The following RCOR1 variants were observed in gnomAD, a reference collection of about 807,000 sequenced individuals.
RCOR1 encodes the protein REST corepressor.
A neutral mutation model predicts 64.0 loss-of-function variants in RCOR1; 12 were observed. The ratio of observed to expected loss-of-function variants is 0.19; its 90% CI spans 0.12 to 0.30. The LOEUF is 0.30. RCOR1 is among the 10% of genes least tolerant of loss of function. The pLI, the probability that RCOR1 is intolerant of heterozygous loss-of-function variation, is 1.00. For missense variants in RCOR1, 502 were observed against 621.2 expected (o/e 0.81, Z 2.04); for synonymous variants, 279 against 227.2 (o/e 1.23, Z -2.05).
chr14:102,705,445 TTTTG>T (rs1343295815), intron 4 of RCOR1, among the ~76,000 whole-genome samples: 2 of 152,156 alleles, frequency 1.3e-5, no homozygotes, highest in Non-Finnish European at 2.9e-5. Flanking sequence ...GCTTGTGTCT[TTTTG>T]TTTGTTTTGT....
intron 2 of RCOR1, among the ~76,000 whole-genome samples, chr14:102,609,481 C>A (rs891248177): frequency 6.6e-6 from 1 of 152,104 alleles, no homozygotes; most frequent in African/African-American, 2.4e-5. Flanking sequence ...ACTCTGTTGT[C>A]CAGGCTGGAG....
chr14:102,654,632 G>A (rs1595214504), intron 2 of RCOR1, among the ~76,000 whole-genome samples: 1 of 151,884 alleles, frequency 6.6e-6, no homozygotes, highest in Admixed American at 6.6e-5. Flanking sequence ...TTTGAGAGGC[G>A]AAGATGGGGA....
chr14:102,627,741 A>G (rs780208720), intron 2 of RCOR1, among the ~76,000 whole-genome samples: 1 of 151,034 alleles, frequency 6.6e-6, no homozygotes, highest in Non-Finnish European at 1.5e-5. Context: ...CTTTTCTCCT[A>G]TTCTTTTACA....
chr14:102,638,727 G>A (rs1449817311), intron 2 of RCOR1, among the ~76,000 whole-genome samples: 1 of 152,076 alleles, frequency 6.6e-6, no homozygotes, highest in Admixed American at 6.6e-5. Context: ...GAGTGCAGTG[G>A]CACAATCTTG....
chr14:102,596,162 C>CGT (rs1893239872), intron 2 of RCOR1, among the ~76,000 whole-genome samples: 1 of 151,324 alleles, frequency 6.6e-6, no homozygotes, highest in Non-Finnish European at 1.5e-5. Context: ...AGTGCAATGG[C>CGT]GTGATCTGGG....
At chr14:102,688,346 G>A (rs746010441) in intron 3 of RCOR1, among the ~76,000 whole-genome samples, 2 of 152,318 alleles carry the variant, frequency 1.3e-5, no homozygotes, top group Non-Finnish European at 2.9e-5. Context: ...ACTGTGACAA[G>A]TGTTGTCCTG....
intron 2 of RCOR1, among the ~76,000 whole-genome samples, chr14:102,600,148 G>A (rs182190803): frequency 6.6e-6 from 1 of 152,178 alleles, no homozygotes; most frequent in African/African-American, 2.4e-5. Context: ...GTGCAGTGGC[G>A]CGATCTCAGC....
At chr14:102,602,701 C>T (rs1463747289) in intron 2 of RCOR1, among the ~76,000 whole-genome samples, 3 of 152,150 alleles carry the variant, frequency 2.0e-5, no homozygotes, top group East Asian at 1.9e-4. Flanking sequence ...TCCACTGTGC[C>T]TGGCCTCTTC....
chr14:102,721,296 A>C, intron 9 of RCOR1, 24 bp from the exon 10 acceptor site: 1 of 1,603,810 alleles, frequency 6.2e-7, no homozygotes, highest in South Asian at 1.1e-5. Flanking sequence ...GTAATGTGCT[A>C]AAATGACTCA....
At chr14:102,668,128 T>C (rs1399484978) in intron 2 of RCOR1, among the ~76,000 whole-genome samples, 7 of 152,170 alleles carry the variant, frequency 4.6e-5, no homozygotes, top group African/African-American at 1.7e-4. Flanking sequence ...TCAACTTTTG[T>C]TAAAATCTCT....
intron 3 of RCOR1, among the ~76,000 whole-genome samples, chr14:102,687,944 A>G (rs991817241): frequency 6.6e-5 from 10 of 150,766 alleles, no homozygotes; most frequent in Non-Finnish European, 1.3e-4. Flanking sequence ...CACACTAGAC[A>G]GAAGAAATGA....
At chr14:102,660,496 C>T (rs754790634) in intron 2 of RCOR1, among the ~76,000 whole-genome samples, 2 of 152,014 alleles carry the variant, frequency 1.3e-5, no homozygotes, top group Non-Finnish European at 2.9e-5. Context: ...TCCAGCAATC[C>T]TCCCACCTTA....
chr14:102,660,661 C>T (rs1894810016), intron 2 of RCOR1, among the ~76,000 whole-genome samples: 1 of 152,036 alleles, frequency 6.6e-6, no homozygotes, highest in Non-Finnish European at 1.5e-5. Flanking sequence ...ACCACTGTGC[C>T]CAGCCAAAAT....
chr14:102,666,877 C>T (rs1272937626), intron 2 of RCOR1, among the ~76,000 whole-genome samples: 1 of 152,130 alleles, frequency 6.6e-6, no homozygotes, highest in African/African-American at 2.4e-5. Context: ...CTGAGTTTGT[C>T]AGAAGTTTCA....
intron 2 of RCOR1, among the ~76,000 whole-genome samples, chr14:102,621,389 T>TTTG (rs1893870229): frequency 1.4e-5 from 2 of 147,448 alleles, no homozygotes; most frequent in African/African-American, 5.1e-5. Context: ...TTTTTTTTTT[T>TTTG]TTTTGAGAAA....
intron 2 of RCOR1, among the ~76,000 whole-genome samples, chr14:102,681,437 A>C (rs1895301412): frequency 6.6e-6 from 1 of 152,224 alleles, no homozygotes; most frequent in Non-Finnish European, 1.5e-5. Context: ...ATTTTTAAGA[A>C]TTAGTATGCA....
intron 2 of RCOR1, among the ~76,000 whole-genome samples, chr14:102,596,434 C>T (rs972748300): frequency 6.6e-6 from 1 of 152,142 alleles, no homozygotes; most frequent in African/African-American, 2.4e-5. Flanking sequence ...AAAATTCTTT[C>T]TTAGCTGTTT....
intron 2 of RCOR1, among the ~76,000 whole-genome samples, chr14:102,654,140 C>T (rs1350139110): frequency 2.6e-5 from 4 of 151,562 alleles, no homozygotes; most frequent in Non-Finnish European, 5.9e-5. Flanking sequence ...TGCCTGCCAC[C>T]ACGCCTGGCT....
intron 2 of RCOR1, among the ~76,000 whole-genome samples, chr14:102,609,160 C>T (rs1409048114): frequency 2.6e-5 from 4 of 151,466 alleles, no homozygotes; most frequent in African/African-American, 9.7e-5. Flanking sequence ...ATTCTCCTGC[C>T]TCAGCCTCCT....
Sources: gnomAD v4.1 joint callset for allele counts (sites outside exome capture counted in the v4.1 genomes callset) on GRCh38, gnomAD v4.1.1 for gene constraint, MANE v1.5 for transcripts, NCBI Gene and HGNC (gene_info 2026-07-23, HGNC 2026-07-21) for gene names.